The following TET1 variants were observed in gnomAD, a reference collection of about 807,000 sequenced individuals.
TET1 encodes the protein tet methylcytosine dioxygenase 1.
In TET1, 13 loss-of-function variants were observed where a neutral mutation model predicts 148.7. The observed-to-expected ratio is 0.09, with a 90% CI of 0.06 to 0.14. The LOEUF (loss-of-function observed/expected upper bound fraction) is 0.14, where lower values mean the gene tolerates loss of function less well. TET1 is among the 10% of genes least tolerant of loss of function. The pLI, the probability that TET1 is intolerant of heterozygous loss-of-function variation, is 1.00. For missense variants in TET1, 2,182 were observed against 2,553.8 expected, an observed-to-expected ratio of 0.85 and a Z score of 3.14; for synonymous variants, 907 against 937.2, an observed-to-expected ratio of 0.97 and a Z score of 0.59.
intron 2 of TET1, among the ~76,000 whole-genome samples, chr10:68,575,418 T>TAAATAAATAAATAAATAA (rs1172758137): frequency 6.8e-6 from 1 of 147,082 alleles, no homozygotes; most frequent in African/African-American, 2.5e-5. Flanking sequence ...AATAAATAAA[T>TAAATAAATAAATAAATAA]AAAGTATTGT....
intron 2 of TET1, among the ~76,000 whole-genome samples, chr10:68,577,821 CA>C (rs1217855996): frequency 6.6e-6 from 1 of 151,874 alleles, no homozygotes; most frequent in Admixed American, 6.6e-5. Flanking sequence ...AAACAAGAAA[CA>C]AAAAAACATA....
In TET1 at chr10:68,654,083, G is replaced by T. The variant is rs541204763; in HGVS notation, c.4461+1489G>T. Among the ~76,000 whole-genome samples the T allele has an allele frequency of 6.5e-4, 73 of 112,824 alleles. 1 individual carries two copies. In the South Asian group the frequency reaches 0.013, roughly 20 times the overall value. The allele number at this position is 112,824 out of a possible 152,430, so 74.0% of individuals were successfully genotyped here. On this transcript the variant is annotated intron_variant, in intron 6 of 11. Transcript: ENST00000373644. ...GATCGGGCCACTGCACTCCAGCCTGGGCAACAAGAGCAAAAATGTCTCCAA... is the reference window on the plus strand; with the variant it reads ...GATCGGGCCACTGCACTCCAGCCTGTGCAACAAGAGCAAAAATGTCTCCAA...
At chr10:68,626,271 T>C (rs1171266686) in intron 3 of TET1, among the ~76,000 whole-genome samples, 1 of 151,964 alleles carries the variant, frequency 6.6e-6, no homozygotes, top group East Asian at 1.9e-4. Flanking sequence ...TTTTGTTTTG[T>C]TTTGTTTTGT....
In TET1 at chr10:68,644,681, A is replaced by G; in HGVS notation, c.1969-17A>G. 1.3e-6 allele frequency: 2 copies of G among 1,534,086 alleles called. No homozygotes were observed. Among genetic ancestry groups the G allele is most frequent in the Non-Finnish European group, 1.7e-6 (2 of 1,146,130 alleles). On this transcript the variant is annotated splice_polypyrimidine_tract_variant and intron_variant, in intron 3 of 11. Transcript: ENST00000373644. ...GATATTTAAGTAGATGACATAAGTA[A>G]TTTCTGTATTTTACAGGCAGATTTT...
intron 6 of TET1, among the ~76,000 whole-genome samples, chr10:68,660,358 A>G: frequency 1.1e-5 from 1 of 89,124 alleles, no homozygotes; most frequent in Non-Finnish European, 2.1e-5. Context: ...TTTTTTTTTG[A>G]GATGGAATTT....
Position 68,573,158 on chromosome 10 carries a change from G to T in TET1, c.820G>T (p.Gly274Cys), listed in dbSNP as rs768012438. 1 of 1,614,068 alleles carries T rather than the reference G, an allele frequency of 6.2e-7. No individual in the cohort carries two copies. The highest frequency in any genetic ancestry group is 1.7e-5 in the Admixed American group (1 of 60,006). The change falls in exon 2 of 12, where the codon GGT becomes TGT. Residue 274 changes from glycine (G) to cysteine (C), a missense_variant. Physicochemically the swap from Gly to Cys is radical, Grantham distance 159. Coordinates refer to ENST00000373644, the MANE Select transcript of TET1 (RefSeq NM_030625.3). ...CCCCAGCATTCAGTTAGAAGAGTTG[G>T]GTTCACGAGTAGAATCTCTTAAGTT... Reference protein sequence around the residue: ...GNPSIQLEELGSRVESLKLSD... With the variant: ...GNPSIQLEELCSRVESLKLSD...
chr10:68,627,650 G>A (rs749783805), intron 3 of TET1, among the ~76,000 whole-genome samples: 9 of 151,932 alleles, frequency 5.9e-5, no homozygotes, highest in South Asian at 2.1e-4. Flanking sequence ...TAAAGTGGCC[G>A]GGCGCGGTGG....
chr10:68,678,009 C>T (rs2055384654), intron 8 of TET1, among the ~76,000 whole-genome samples: 1 of 152,198 alleles, frequency 6.6e-6, no homozygotes, highest in Non-Finnish European at 1.5e-5. Flanking sequence ...AGGCCACCCA[C>T]CTCGGCCTTC....
chr10:68,686,303 T>C (rs1484747780), intron 10 of TET1, 53 bp from the exon 11 acceptor site: 1 of 1,452,860 alleles, frequency 6.9e-7, no homozygotes, highest in South Asian at 1.4e-5. Context: ...ATAGCCACAA[T>C]GAATGTGCAC....
intron 1 of TET1, among the ~76,000 whole-genome samples, chr10:68,568,184 T>G (rs1391857250): frequency 1.3e-5 from 2 of 150,192 alleles, no homozygotes; most frequent in East Asian, 4.0e-4. Context: ...CGCCCAGCCT[T>G]TGGGATTACA....
At chr10:68,656,355 T>C (rs1381382078) in intron 6 of TET1, among the ~76,000 whole-genome samples, 1 of 152,106 alleles carries the variant, frequency 6.6e-6, no homozygotes, top group Non-Finnish European at 1.5e-5. Context: ...CTCCGCCTCC[T>C]GGGTTCACAC....
chr10:68,650,228 C>T (rs181192969), intron 4 of TET1, among the ~76,000 whole-genome samples: 3 of 152,202 alleles, frequency 2.0e-5, no homozygotes, highest in African/African-American at 7.2e-5. Flanking sequence ...ATTGTCACGA[C>T]CAAAAATGTC....
chr10:68,683,022 T>C, intron 10 of TET1, 49 bp downstream of exon 10: 1 of 1,599,402 alleles, frequency 6.3e-7, no homozygotes, highest in Non-Finnish European at 8.5e-7. Flanking sequence ...CACTATATGC[T>C]TAGGCTGCAG....
chr10:68,610,563 C>G (rs1039279883), intron 3 of TET1, among the ~76,000 whole-genome samples: 6 of 152,126 alleles, frequency 3.9e-5, no homozygotes, highest in East Asian at 1.9e-4. Context: ...GCACTCCACC[C>G]TGGGTGACAG....
Position 68,691,760 on chromosome 10 carries a change from C to T in TET1, c.6357C>T (p.Thr2119=), listed in dbSNP as rs778643145. 63 of 1,613,812 alleles carry T rather than the reference C, an allele frequency of 3.9e-5. No individual in the cohort carries two copies. The Middle Eastern group carries it at 4.9e-4, about 13-fold the overall frequency. The stretch of plus-strand genomic sequence containing the variant: ...CATTAACCCATGACAATGTTGTCAC[C>T]GTGTCCCCTTATGCTCTCACACACG... ...ALTLTHDNVV[T]VSPYALTHVA... The change falls in exon 12 of 12, where the codon ACC becomes ACT. Residue 2119 remains threonine (T), a synonymous_variant. Transcript: ENST00000373644. The surrounding 1 kb of genome is among the most constrained non-coding windows in gnomAD (Gnocchi z 4.4).
chr10:68,570,766 A>T (rs983392988), intron 1 of TET1, among the ~76,000 whole-genome samples: 3 of 151,022 alleles, frequency 2.0e-5, no homozygotes, highest in African/African-American at 7.3e-5. Flanking sequence ...AGTAGCTGGG[A>T]CTACGGGCAC....
Position 68,646,549 on chromosome 10 carries a change from G to A in TET1, c.3820G>A (p.Gly1274Arg), listed in dbSNP as rs752696543. Residue 1274 changes from glycine (G) to arginine (R), a missense_variant, in exon 4 of 12, where the codon GGG (glycine) becomes AGG (arginine). By Grantham distance (125) the Gly-to-Arg change is moderately radical. This residue lies in a region of TET1 where 582 missense variants were observed against 599.5 expected (regional missense o/e 0.97). Coordinates refer to ENST00000373644, the MANE Select transcript of TET1 (RefSeq NM_030625.3). ...SLFHLKTESN[G>R]KAFTDKAYNS... ...ATTTCATCTTAAAACGGAATCCAAC[G>A]GGAAGGCATTCACTGATAAAGCTTA... 22 of 1,613,994 alleles carry A rather than the reference G, an allele frequency of 1.4e-5. No individual in the cohort carries two copies. Among genetic ancestry groups the A allele is most frequent in the Admixed American group, 5.0e-5 (3 of 59,980 alleles).
chr10:68,622,868 T>G (rs561633281), intron 3 of TET1, among the ~76,000 whole-genome samples: 39 of 152,276 alleles, frequency 2.6e-4, no homozygotes, highest in African/African-American at 8.9e-4. Context: ...CGTGAGCTAC[T>G]GCTCTTGGCT....
chr10:68,600,933 A>C (rs752837149), intron 2 of TET1, 48 bp from the exon 3 acceptor site: 43 of 1,570,274 alleles, frequency 2.7e-5, no homozygotes, highest in Non-Finnish European at 3.5e-5. Context: ...GTGGGAGCTA[A>C]TTTTATTTCT....
Sources: gnomAD v4.1 joint callset for allele counts (sites outside exome capture counted in the v4.1 genomes callset) on GRCh38, gnomAD v4.1.1 for gene constraint, gnomAD v4.1.1 regional missense constraint, Gnocchi (gnomAD v3.1) non-coding constraint, MANE v1.5 for transcripts, NCBI Gene and HGNC (gene_info 2026-07-23, HGNC 2026-07-21) for gene names.